Variants in RASA2 observed in about 807,000 individuals in gnomAD.
RASA2 encodes the protein ras GTPase-activating protein 2.
RASA2 carries 155 observed loss-of-function variants against 118.2 expected under a neutral mutation model. That is an observed-to-expected ratio of 1.31 (90% CI 1.15 to 1.50). RASA2 has a LOEUF of 1.50. RASA2 is among the 40% of genes most tolerant of loss of function. RASA2 has a pLI of 0.00. For missense variants in RASA2, 1,016 were observed against 1,009.6 expected, an observed-to-expected ratio of 1.01 and a Z score of -0.09; for synonymous variants, 353 against 349.1, an observed-to-expected ratio of 1.01 and a Z score of -0.12.
intron 5 of RASA2, among the ~76,000 whole-genome samples, chr3:141,544,637 T>C (rs1265840351): frequency 6.6e-6 from 1 of 152,240 alleles, no homozygotes; most frequent in Non-Finnish European, 1.5e-5. Context: ...TTTTTTCCTT[T>C]GGTGAGAGTT....
intron 19 of RASA2, among the ~76,000 whole-genome samples, chr3:141,592,210 A>G (rs1402819777): frequency 3.3e-5 from 5 of 152,192 alleles, no homozygotes; most frequent in African/African-American, 1.2e-4. Flanking sequence ...TCACTGAGAA[A>G]GTGACATTTG....
chr3:141,493,361 GTTTAGTTA>G (rs2081661426), intron 1 of RASA2, among the ~76,000 whole-genome samples: 1 of 152,150 alleles, frequency 6.6e-6, no homozygotes, highest in Non-Finnish European at 1.5e-5. Flanking sequence ...GAACCTGGAT[GTTTAGTTA>G]CTTGTGCCAT....
At chr3:141,536,507 A>G (rs1028067998) in intron 4 of RASA2, among the ~76,000 whole-genome samples, 3 of 151,866 alleles carry the variant, frequency 2.0e-5, no homozygotes, top group Admixed American at 6.5e-5. Context: ...ATAATGTGAT[A>G]TTATAACTGC....
At chr3:141,528,027 G>T (rs2082207500) in intron 3 of RASA2, among the ~76,000 whole-genome samples, 1 of 151,834 alleles carries the variant, frequency 6.6e-6, no homozygotes, top group African/African-American at 2.4e-5. Context: ...AAGTTGGGAA[G>T]ATACGTATTT....
chr3:141,535,887 G>T (rs1200597167), intron 4 of RASA2, among the ~76,000 whole-genome samples: 1 of 152,148 alleles, frequency 6.6e-6, no homozygotes, highest in Non-Finnish European at 1.5e-5. Flanking sequence ...ATTTCATCAT[G>T]AGATTTGGAG....
intron 4 of RASA2, among the ~76,000 whole-genome samples, chr3:141,531,316 CA>C (rs908310446): frequency 1.3e-5 from 2 of 151,608 alleles, no homozygotes; most frequent in Non-Finnish European, 2.9e-5. Context: ...TTCCAGCTCT[CA>C]AAAGGTAAAA....
chr3:141,605,662 C>G (rs781525354), intron 19 of RASA2, among the ~76,000 whole-genome samples: 1 of 151,952 alleles, frequency 6.6e-6, no homozygotes, highest in Non-Finnish European at 1.5e-5. Flanking sequence ...TCTCTTCCCC[C>G]CCAATTTCTT....
intron 1 of RASA2, among the ~76,000 whole-genome samples, chr3:141,510,267 G>A (rs1383996005): frequency 6.6e-6 from 1 of 152,116 alleles, no homozygotes; most frequent in Non-Finnish European, 1.5e-5. Context: ...GGTTCTTGGG[G>A]TAATGCTGTT....
intron 14 of RASA2, among the ~76,000 whole-genome samples, chr3:141,574,733 C>T (rs1285335088): frequency 1.3e-5 from 2 of 152,144 alleles, no homozygotes; most frequent in African/African-American, 4.8e-5. Context: ...GTTATTTATA[C>T]CAACTATCTT....
At chr3:141,529,621 C>G (rs2082230771) in intron 3 of RASA2, 87 bp from the exon 4 acceptor site, 1 of 787,070 alleles carries the variant, frequency 1.3e-6, no homozygotes, top group Non-Finnish European at 1.9e-6. Context: ...AAAATATTTT[C>G]TATAAAGTAT....
At chr3:141,553,999 A>T in intron 6 of RASA2, 59 bp downstream of exon 6, 2 of 1,551,502 alleles carry the variant, frequency 1.3e-6, no homozygotes, top group Non-Finnish European at 8.7e-7. Context: ...TTAAAAATTT[A>T]AAAAGTAAGA....
intron 6 of RASA2, among the ~76,000 whole-genome samples, 171 bp downstream of exon 6, chr3:141,554,111 G>A (rs1374049278): frequency 1.3e-5 from 2 of 152,080 alleles, no homozygotes; most frequent in East Asian, 1.9e-4. Context: ...CAATAACAAA[G>A]CCCTCTTTTT....
At chr3:141,533,590 A>G (rs186848738) in intron 4 of RASA2, among the ~76,000 whole-genome samples, 8 of 152,320 alleles carry the variant, frequency 5.3e-5, no homozygotes, top group Non-Finnish European at 7.4e-5. Flanking sequence ...GTTTAGAACT[A>G]TAACCTCTTA....
chr3:141,496,246 A>G (rs2081700336), intron 1 of RASA2, among the ~76,000 whole-genome samples: 3 of 152,242 alleles, frequency 2.0e-5, no homozygotes. Flanking sequence ...ACCATTCAGG[A>G]CATAGGCATG....
chr3:141,490,930 C>T (rs1032882123), intron 1 of RASA2, among the ~76,000 whole-genome samples: 1 of 152,298 alleles, frequency 6.6e-6, no homozygotes, highest in African/African-American at 2.4e-5. Flanking sequence ...CCTGCTCTTT[C>T]TCACTCCCCA....
intron 3 of RASA2, among the ~76,000 whole-genome samples, chr3:141,524,560 A>G (rs143021598): frequency 1.5e-4 from 23 of 152,096 alleles, no homozygotes; most frequent in African/African-American, 5.5e-4. Context: ...TCATTTTTCT[A>G]TAGACAGTAA....
intron 17 of RASA2, 50 bp downstream of exon 17, chr3:141,581,227 G>T: frequency 8.4e-7 from 1 of 1,197,328 alleles, no homozygotes; most frequent in South Asian, 2.3e-5. Flanking sequence ...ATATAACATG[G>T]GGAAATAACA....
In RASA2 at chr3:141,595,804, T is replaced by G. The variant is rs1239488830; in HGVS notation, c.1933+9052T>G. Among the ~76,000 whole-genome samples, 28 of 152,062 alleles carry G rather than the reference T, an allele frequency of 1.8e-4. 1 individual carries two copies. The highest frequency in any genetic ancestry group is 1.8e-3 in the Admixed American group (28 of 15,252). ...CCACCACATCTGGCTGATTTTCTGA[T>G]TTTTTGTAGCTGCAAGGTCTCACTT... On this transcript the variant is annotated intron_variant, in intron 19 of 23. Transcript: ENST00000286364.
At chr3:141,559,390 G>A (rs77187680) in intron 8 of RASA2, among the ~76,000 whole-genome samples, 1,819 of 152,166 alleles carry the variant, frequency 0.012, 19 homozygotes, top group Non-Finnish European at 0.02. Flanking sequence ...TTTGAAGTTT[G>A]TGCTGTTTCC....
Sources: allele counts gnomAD v4.1 joint callset (sites outside exome capture counted in the v4.1 genomes callset), GRCh38; gene constraint gnomAD v4.1.1; transcripts MANE v1.5; gene names NCBI Gene and HGNC (gene_info 2026-07-23, HGNC 2026-07-21).